Variants in ZDHHC14 observed in about 807,000 individuals in gnomAD.
ZDHHC14 encodes the protein zDHHC palmitoyltransferase 14, also known as palmitoyltransferase ZDHHC14.
In ZDHHC14, 16 loss-of-function variants were observed where a neutral mutation model predicts 47.7. The ratio of observed to expected loss-of-function variants is 0.34; its 90% confidence interval spans 0.23 to 0.51. ZDHHC14 has a LOEUF of 0.51. Ranked by LOEUF, ZDHHC14 falls within the 20% of genes least tolerant of loss-of-function variation. ZDHHC14 has a pLI of 0.97. For missense variants in ZDHHC14, 515 were observed against 662.5 expected, an observed-to-expected ratio of 0.78 and a Z score of 2.44; for synonymous variants, 293 against 278.9, an observed-to-expected ratio of 1.05 and a Z score of -0.50.
chr6:157,386,966 C>G (rs1474795176), intron 1 of ZDHHC14, among the ~76,000 whole-genome samples: 6 of 152,084 alleles, frequency 3.9e-5, no homozygotes, highest in Admixed American at 3.3e-4. Flanking sequence ...AACTGAGAGG[C>G]TGGGTGAGGT....
chr6:157,653,114 C>T (rs927186154), intron 7 of ZDHHC14, among the ~76,000 whole-genome samples: 3 of 152,184 alleles, frequency 2.0e-5, no homozygotes, highest in African/African-American at 7.2e-5. Context: ...ATTTCCCACA[C>T]GCTACACTGG....
intron 8 of ZDHHC14, among the ~76,000 whole-genome samples, chr6:157,663,521 AGCCCAT>A (rs1338744913): frequency 2.6e-5 from 4 of 152,194 alleles, no homozygotes; most frequent in African/African-American, 9.6e-5. Context: ...CAGGGCTTTG[AGCCCAT>A]TGTGTCTCAT....
intron 1 of ZDHHC14, among the ~76,000 whole-genome samples, chr6:157,433,871 T>A (rs1035056615): frequency 3.3e-5 from 5 of 152,234 alleles, no homozygotes; most frequent in Admixed American, 1.3e-4. Context: ...GGCTCCCATC[T>A]TTCCAGAGGG....
At chr6:157,530,316 C>T (rs777152483) in intron 1 of ZDHHC14, among the ~76,000 whole-genome samples, 5 of 152,268 alleles carry the variant, frequency 3.3e-5, no homozygotes, top group South Asian at 2.1e-4. Flanking sequence ...ACATCAGGGC[C>T]GAGAAATGCT....
At chr6:157,449,232 G>T (rs1297778219) in intron 1 of ZDHHC14, among the ~76,000 whole-genome samples, 1 of 152,168 alleles carries the variant, frequency 6.6e-6, no homozygotes, top group Non-Finnish European at 1.5e-5. Context: ...TCCATGAAAA[G>T]ATTTTTGTTT....
intron 1 of ZDHHC14, among the ~76,000 whole-genome samples, chr6:157,454,648 C>T (rs549808291): frequency 3.3e-5 from 5 of 152,072 alleles, no homozygotes; most frequent in African/African-American, 9.6e-5. Context: ...GGATTACAAG[C>T]GTGAGCCATG....
At chr6:157,389,295 C>T (rs1461148582) in intron 1 of ZDHHC14, among the ~76,000 whole-genome samples, 2 of 152,202 alleles carry the variant, frequency 1.3e-5, no homozygotes, top group African/African-American at 4.8e-5. Context: ...CTCTCTTCCT[C>T]AATCTTGCGA....
intron 1 of ZDHHC14, among the ~76,000 whole-genome samples, chr6:157,382,577 G>T (rs1376379164): frequency 6.6e-6 from 1 of 152,116 alleles, no homozygotes; most frequent in Non-Finnish European, 1.5e-5. Flanking sequence ...TCCTTGGGGC[G>T]CTCTCTACCG....
intron 3 of ZDHHC14, among the ~76,000 whole-genome samples, chr6:157,607,813 A>G (rs976953303): frequency 6.6e-6 from 1 of 152,200 alleles, no homozygotes; most frequent in African/African-American, 2.4e-5. Flanking sequence ...ACAAGAGAGA[A>G]TAGAATATTG....
chr6:157,491,338 G>T (rs1488232464), intron 1 of ZDHHC14, among the ~76,000 whole-genome samples: 7 of 152,176 alleles, frequency 4.6e-5, no homozygotes, highest in Admixed American at 1.3e-4. Flanking sequence ...CACGTTCTGA[G>T]CTTTTTCTGT....
At chr6:157,601,505 AT>A (rs1363805801) in intron 3 of ZDHHC14, among the ~76,000 whole-genome samples, 1 of 152,224 alleles carries the variant, frequency 6.6e-6, no homozygotes, top group East Asian at 1.9e-4. Context: ...TAATAAATAC[AT>A]TAAAATAGCA....
intron 1 of ZDHHC14, among the ~76,000 whole-genome samples, chr6:157,499,975 T>C (rs1023435830): frequency 5.3e-5 from 8 of 152,208 alleles, no homozygotes; most frequent in Admixed American, 2.6e-4. Context: ...AGTAGGGATG[T>C]CTGACAATGA....
At chr6:157,458,368 G>A (rs898844900) in intron 1 of ZDHHC14, among the ~76,000 whole-genome samples, 1 of 152,090 alleles carries the variant, frequency 6.6e-6, no homozygotes, top group African/African-American at 2.4e-5. Flanking sequence ...TTGTGGATGG[G>A]CGGACAACAT....
intron 1 of ZDHHC14, among the ~76,000 whole-genome samples, chr6:157,435,628 C>T (rs1332907947): frequency 1.3e-5 from 2 of 152,058 alleles, no homozygotes; most frequent in African/African-American, 2.4e-5. Context: ...CAACCTCTGC[C>T]TCCTGGGCTC....
chr6:157,619,313 C>T (rs1785088926), intron 3 of ZDHHC14, among the ~76,000 whole-genome samples: 1 of 152,064 alleles, frequency 6.6e-6, no homozygotes, highest in Admixed American at 6.5e-5. Context: ...ATCACTTGAA[C>T]CCAGGAAGCA....
intron 5 of ZDHHC14, among the ~76,000 whole-genome samples, chr6:157,641,023 G>A (rs113112532): frequency 0.064 from 9,799 of 152,118 alleles, 531 homozygotes; most frequent in African/African-American, 0.15. Context: ...TTTTTTGCAT[G>A]GTTCCACAAT....
rs537154606 is a variant in ZDHHC14, at chr6:157,645,780, G to A, written c.796G>A (p.Val266Ile). 63 of 1,613,980 alleles carry A rather than the reference G, an allele frequency of 3.9e-5. No individual in the cohort carries two copies. The Admixed American group carries it at 1.0e-3, about 26-fold the overall frequency. ...VVCFFSVWSI[V>I]GLSGFHTYLI... ...GTGCTTCTTCTCTGTCTGGTCCATC[G>A]TTGGCCTCTCAGGATTCCACACCTA... The change falls in exon 6 of 9, where the codon GTT (valine) becomes ATT (isoleucine). Residue 266 changes from valine (V) to isoleucine (I), a missense_variant. Val to Ile is a conservative substitution (Grantham distance 29). This residue lies in a region of ZDHHC14 where 229 missense variants were observed against 351.5 expected (regional missense o/e 0.65). Coordinates refer to ENST00000359775, the MANE Select transcript of ZDHHC14 (RefSeq NM_024630.3).
intron 3 of ZDHHC14, among the ~76,000 whole-genome samples, chr6:157,610,488 G>A (rs1210633234): frequency 1.3e-5 from 2 of 152,190 alleles, no homozygotes; most frequent in Admixed American, 1.3e-4. Context: ...CTACCCTTCT[G>A]CCATGAAGTT....
intron 1 of ZDHHC14, among the ~76,000 whole-genome samples, chr6:157,503,793 G>A (rs558389813): frequency 3.3e-5 from 5 of 152,078 alleles, no homozygotes; most frequent in Non-Finnish European, 7.4e-5. Flanking sequence ...CCACAAAGTT[G>A]GCAAAAATTA....
Sources: allele counts gnomAD v4.1 joint callset (sites outside exome capture counted in the v4.1 genomes callset), GRCh38; gene constraint gnomAD v4.1.1; regional missense constraint gnomAD v4.1.1; transcripts MANE v1.5; gene names NCBI Gene and HGNC (gene_info 2026-07-23, HGNC 2026-07-21).